Variants in PRR33 observed in about 807,000 individuals in gnomAD.
PRR33 encodes the protein proline rich 33, also known as proline-rich protein 33.
PRR33 carries 1 observed loss-of-function variant against 0.5 expected under a neutral mutation model. The ratio of observed to expected loss-of-function variants is 2.18; its 90% confidence interval spans 0.77 to 10.34. The LOEUF (loss-of-function observed/expected upper bound fraction) is 10.34, where lower values mean the gene tolerates loss of function less well. Among genes scored for constraint, PRR33 ranks in the 30% most tolerant of loss-of-function variants. PRR33 has a pLI of 0.13. For synonymous variants in PRR33, 226 were observed against 110.0 expected (o/e 2.06, Z -6.60); for missense variants, 552 against 251.8 (o/e 2.19, Z -8.07).
chr11:1,899,055 A>G, the PRR33 span, among the ~76,000 whole-genome samples: 50,804 of 151,936 alleles, frequency 0.33, 8,769 homozygotes, highest in African/African-American at 0.4. Flanking sequence ...TGTCAAGGCA[A>G]AAGGTTGTCC....
chr11:1,914,372 CCTTATG>C, the PRR33 span, among the ~76,000 whole-genome samples: 1 of 147,452 alleles, frequency 6.8e-6, no homozygotes, highest in African/African-American at 2.6e-5. Flanking sequence ...TGATGTTGCT[CCTTATG>C]TGTGTGTGTG....
the PRR33 span, among the ~76,000 whole-genome samples, chr11:1,902,167 G>T: frequency 6.6e-6 from 1 of 151,550 alleles, no homozygotes. Context: ...GGGAGGCGGA[G>T]CTTGCAGTGA....
At chr11:1,888,054 C>A (rs1380652178), downstream of PRR33, among the ~76,000 whole-genome samples, 1 of 152,146 alleles carries the variant, frequency 6.6e-6, no homozygotes, top group Non-Finnish European at 1.5e-5. Context: ...CCATCCCATG[C>A]TGCAGACAGA....
the PRR33 span, among the ~76,000 whole-genome samples, chr11:1,911,684 G>A: frequency 1.3e-5 from 2 of 150,986 alleles, no homozygotes; most frequent in African/African-American, 2.4e-5. Context: ...GCCTCTCAAA[G>A]TGCTGGGATT....
At chr11:1,898,038 C>T in the PRR33 span, among the ~76,000 whole-genome samples, 3 of 152,126 alleles carry the variant, frequency 2.0e-5, no homozygotes, top group Non-Finnish European at 2.9e-5. Flanking sequence ...CCCCTACAAC[C>T]GAACCTTTCT....
upstream of PRR33, among the ~76,000 whole-genome samples, chr11:1,893,985 C>A (rs902242365): frequency 3.9e-5 from 3 of 77,514 alleles, no homozygotes; most frequent in Non-Finnish European, 7.8e-5. Context: ...GGACAGAGAG[C>A]GGGAAGGATG....
At chr11:1,914,596 G>GTGTC in the PRR33 span, among the ~76,000 whole-genome samples, 1 of 150,246 alleles carries the variant, frequency 6.7e-6, no homozygotes, top group Non-Finnish European at 1.5e-5. Context: ...GTGTGTGTGT[G>GTGTC]TGTGTGTGTG....
chr11:1,898,237 C>CT, the PRR33 span, among the ~76,000 whole-genome samples: 1,234 of 144,658 alleles, frequency 8.5e-3, 2 homozygotes, highest in African/African-American at 0.011. Flanking sequence ...ACGAGGGATA[C>CT]TTTTTTTTTT....
At chr11:1,904,296 A>G in the PRR33 span, among the ~76,000 whole-genome samples, 1 of 152,174 alleles carries the variant, frequency 6.6e-6, no homozygotes, top group South Asian at 2.1e-4. Context: ...TGGGAGGCCG[A>G]GGCGGGTGGA....
exon 1 of PRR33, chr11:1,889,361 C>T: frequency 1.4e-6 from 1 of 712,604 alleles, no homozygotes. Context: ...CCGCCACTGA[C>T]ATGCGGTACA....
the PRR33 span, among the ~76,000 whole-genome samples, chr11:1,914,106 A>G: frequency 6.6e-6 from 1 of 152,356 alleles, no homozygotes; most frequent in African/African-American, 2.4e-5. Context: ...GCATTACCCA[A>G]TGAACACGCC....
At chr11:1,895,157 A>T, upstream of PRR33, among the ~76,000 whole-genome samples, 1 of 147,216 alleles carries the variant, frequency 6.8e-6, no homozygotes. Flanking sequence ...TTTGAGATGG[A>T]GTTTTGCTCT....
the PRR33 span, among the ~76,000 whole-genome samples, chr11:1,902,946 T>TGG: frequency 6.6e-6 from 1 of 152,156 alleles, no homozygotes; most frequent in African/African-American, 2.4e-5. Flanking sequence ...CTGTAAACTG[T>TGG]CATGGTGCTG....
the PRR33 span, among the ~76,000 whole-genome samples, chr11:1,898,459 T>C: frequency 6.6e-6 from 1 of 152,032 alleles, no homozygotes; most frequent in African/African-American, 2.4e-5. Context: ...ATGGTCTTGA[T>C]CTCTTGACGT....
exon 1 of PRR33, chr11:1,889,430 G>A (rs577608842): frequency 7.5e-5 from 50 of 668,318 alleles, no homozygotes; most frequent in Middle Eastern, 7.2e-4. Flanking sequence ...CGGTGAGGGC[G>A]GGCACCTCCT....
chr11:1,905,208 C>T, the PRR33 span, among the ~76,000 whole-genome samples: 33 of 141,180 alleles, frequency 2.3e-4, no homozygotes, highest in South Asian at 5.6e-3. Context: ...CTCACTGCAA[C>T]GTCTGTCTCC....
At chr11:1,901,528 T>C in the PRR33 span, among the ~76,000 whole-genome samples, 1 of 152,192 alleles carries the variant, frequency 6.6e-6, no homozygotes, top group African/African-American at 2.4e-5. Context: ...AGTTTTCTTT[T>C]CCCCCTTTAG....
At chr11:1,915,882 G>C in the PRR33 span, among the ~76,000 whole-genome samples, 1 of 151,214 alleles carries the variant, frequency 6.6e-6, no homozygotes, top group Non-Finnish European at 1.5e-5. Context: ...AGATGGATGG[G>C]TAGATAGATG....
chr11:1,890,251 G>C (rs1049837096), exon 1 of PRR33: 2 of 715,734 alleles, frequency 2.8e-6, no homozygotes, highest in Non-Finnish European at 5.2e-6. Context: ...GGGGAGCGGG[G>C]TAGGGCAGCC....
Sources: allele counts gnomAD v4.1 joint callset (sites outside exome capture counted in the v4.1 genomes callset), GRCh38; gene constraint gnomAD v4.1.1; transcripts MANE v1.5; gene names NCBI Gene and HGNC (gene_info 2026-07-23, HGNC 2026-07-21).